Variants in DZANK1 observed in about 807,000 individuals in gnomAD.
DZANK1 encodes the protein double zinc ribbon and ankyrin repeat domains 1.
In DZANK1, 91 loss-of-function variants were observed where a neutral mutation model predicts 94.5. The ratio of observed to expected loss-of-function variants is 0.96; its 90% CI spans 0.81 to 1.15. DZANK1 has a LOEUF of 1.15. DZANK1 is among the 50% of genes most tolerant of loss of function. The pLI, the probability that DZANK1 is intolerant of heterozygous loss-of-function variation, is 0.00. For missense variants in DZANK1, 903 were observed against 916.4 expected (o/e 0.99, Z 0.19); for synonymous variants, 312 against 325.3 (o/e 0.96, Z 0.44).
Position 18,441,697 on chromosome 20 carries a change from C to T in DZANK1, c.747+1650G>A, listed in dbSNP as rs866057255. ...CTGAGGTGACACAGATCAGAGCCAGCAAGGAAAAAGCCGCCCACTGGGATC... is the reference window on the plus strand; with the variant it reads ...CTGAGGTGACACAGATCAGAGCCAGTAAGGAAAAAGCCGCCCACTGGGATC... On this transcript the variant is annotated intron_variant, in intron 8 of 20. Transcript: ENST00000262547. The surrounding 1 kb of genome is among the most constrained non-coding windows in gnomAD (Gnocchi z 4.1). 2.0e-5 allele frequency among the ~76,000 whole-genome samples: 3 copies of T among 152,178 alleles called. No individual in the cohort carries two copies. Among genetic ancestry groups the T allele is most frequent in the Non-Finnish European group, 4.4e-5 (3 of 68,036 alleles).
chr20:18,415,501 C>G (rs375471196), intron 10 of DZANK1, 52 bp from the exon 11 acceptor site: 1 of 1,325,526 alleles, frequency 7.5e-7, no homozygotes, highest in African/African-American at 1.5e-5. Context: ...ATTCTCTAAT[C>G]CCCCTCCCAA....
chr20:18,466,646 G>C (rs773987878), intron 1 of DZANK1, among the ~76,000 whole-genome samples: 4 of 152,240 alleles, frequency 2.6e-5, no homozygotes, highest in Admixed American at 6.5e-5. Flanking sequence ...TAATTCGCGA[G>C]CGTCAACTAG....
At chr20:18,401,441 A>G (rs114718643) in intron 13 of DZANK1, among the ~76,000 whole-genome samples, 93 of 152,338 alleles carry the variant, frequency 6.1e-4, no homozygotes, top group African/African-American at 2.1e-3. Flanking sequence ...CCCAAAACTT[A>G]GTGGTTTAAA....
intron 17 of DZANK1, among the ~76,000 whole-genome samples, chr20:18,393,402 A>G (rs370063504): frequency 6.6e-6 from 1 of 152,202 alleles, no homozygotes; most frequent in Admixed American, 6.5e-5. Flanking sequence ...ACTAGTCTTC[A>G]TTTGTCAAAC....
intron 15 of DZANK1, among the ~76,000 whole-genome samples, chr20:18,396,237 G>T (rs1431774905): frequency 6.6e-6 from 1 of 152,216 alleles, no homozygotes; most frequent in African/African-American, 2.4e-5. Context: ...TCAGACTTCA[G>T]TGAGTCTGAA....
intron 14 of DZANK1, among the ~76,000 whole-genome samples, chr20:18,397,865 A>T (rs572491955): frequency 1.3e-5 from 2 of 152,288 alleles, no homozygotes; most frequent in African/African-American, 4.8e-5. Context: ...CTGAGCTCCA[A>T]GAAGTGCTGG....
intron 3 of DZANK1, among the ~76,000 whole-genome samples, chr20:18,458,235 C>A (rs1256948489): frequency 6.6e-6 from 1 of 152,090 alleles, no homozygotes; most frequent in Admixed American, 6.5e-5. Context: ...AATTTTTGAA[C>A]CTTGAAGCAA....
At chr20:18,427,014 A>T in intron 10 of DZANK1, 53 bp downstream of exon 10, 1 of 1,327,984 alleles carries the variant, frequency 7.5e-7, no homozygotes, top group Non-Finnish European at 1.1e-6. Context: ...TATTATCATT[A>T]ACATTGACAT....
At chr20:18,403,118 A>G (rs922183274) in intron 13 of DZANK1, among the ~76,000 whole-genome samples, 5 of 152,170 alleles carry the variant, frequency 3.3e-5, no homozygotes, top group African/African-American at 1.2e-4. Context: ...TCCTGTCCCA[A>G]TTGCCCTTTG....
chr20:18,441,710 G>A lies in DZANK1; in HGVS notation c.747+1637C>T, dbSNP rs16979175. Among the ~76,000 whole-genome samples the A allele has an allele frequency of 2.4e-3, 372 of 152,338 alleles. 6 individuals are homozygous for A. The highest frequency in any genetic ancestry group is 0.02 in the Admixed American group (309 of 15,304). ...GATCAGAGCCAGCAAGGAAAAAGCC[G>A]CCCACTGGGATCCAATGAAACTCAT... On this transcript the variant is annotated intron_variant, in intron 8 of 20. Transcript: ENST00000262547. The surrounding 1 kb of genome is among the most constrained non-coding windows in gnomAD (Gnocchi z 4.1).
intron 19 of DZANK1, among the ~76,000 whole-genome samples, chr20:18,388,494 G>A (rs1053814566): frequency 2.0e-4 from 30 of 152,288 alleles, no homozygotes; most frequent in African/African-American, 7.2e-5. Flanking sequence ...TTCAAAATGC[G>A]CTCAAGTAAT....
intron 19 of DZANK1, 35 bp downstream of exon 19, chr20:18,389,666 C>A (rs758710400): frequency 6.2e-7 from 1 of 1,611,416 alleles, no homozygotes; most frequent in South Asian, 1.1e-5. Context: ...CAGCCTGCTG[C>A]TACCTTAGCT....
intron 19 of DZANK1, among the ~76,000 whole-genome samples, chr20:18,389,471 T>G (rs190406398): frequency 1.3e-5 from 2 of 152,310 alleles, no homozygotes; most frequent in East Asian, 3.9e-4. Flanking sequence ...GTATCATCAT[T>G]TATAAAAGCC....
intron 19 of DZANK1, among the ~76,000 whole-genome samples, chr20:18,387,258 G>A (rs1276265660): frequency 6.6e-6 from 1 of 151,912 alleles, no homozygotes; most frequent in Non-Finnish European, 1.5e-5. Context: ...TGTATTGCAT[G>A]GGGGGTTTGC....
At chr20:18,412,031 A>G (rs2057281094) in intron 13 of DZANK1, among the ~76,000 whole-genome samples, 1 of 152,150 alleles carries the variant, frequency 6.6e-6, no homozygotes, top group Non-Finnish European at 1.5e-5. Flanking sequence ...CTCATGATCA[A>G]TTTCCAAAAC....
At chr20:18,420,595 G>A in intron 10 of DZANK1, 2 of 227,932 alleles carry the variant, frequency 8.8e-6, no homozygotes, top group Admixed American at 8.0e-5. Flanking sequence ...AATAGGCACT[G>A]CCTGAAAAAA....
intron 13 of DZANK1, among the ~76,000 whole-genome samples, chr20:18,405,786 G>A (rs2056930033): frequency 6.6e-6 from 1 of 152,218 alleles, no homozygotes; most frequent in South Asian, 2.1e-4. Flanking sequence ...AAGAGGCATC[G>A]AGAAGGGCAG....
At chr20:18,389,199 A>G (rs1393706066) in intron 19 of DZANK1, among the ~76,000 whole-genome samples, 2 of 152,184 alleles carry the variant, frequency 1.3e-5, no homozygotes, top group Non-Finnish European at 2.9e-5. Flanking sequence ...TCTGTTTTGT[A>G]TCACGGGTGG....
At chr20:18,459,823 T>C (rs1273164837) in intron 3 of DZANK1, among the ~76,000 whole-genome samples, 2 of 152,104 alleles carry the variant, frequency 1.3e-5, no homozygotes, top group African/African-American at 2.4e-5. Context: ...GAACACAGTA[T>C]TTTCTTCAGA....
Sources: gnomAD v4.1 joint callset for allele counts (sites outside exome capture counted in the v4.1 genomes callset) on GRCh38, gnomAD v4.1.1 for gene constraint, Gnocchi (gnomAD v3.1) non-coding constraint, MANE v1.5 for transcripts, NCBI Gene and HGNC (gene_info 2026-07-23, HGNC 2026-07-21) for gene names.